The following CASTOR1 variants were observed in gnomAD, a reference collection of about 807,000 sequenced individuals.
The protein encoded by CASTOR1 is GATS protein like 3.
Under a neutral mutation model 33.7 loss-of-function variants are expected in CASTOR1, and 18 were observed. That is an observed-to-expected ratio of 0.53 (90% CI 0.37 to 0.79). The LOEUF is 0.79. CASTOR1 is among the 30% of genes least tolerant of loss of function. CASTOR1 has a pLI of 0.00. For missense variants in CASTOR1, 362 were observed against 446.3 expected, an observed-to-expected ratio of 0.81 and a Z score of 1.70; for synonymous variants, 175 against 190.6, an observed-to-expected ratio of 0.92 and a Z score of 0.67.
intron 4 of CASTOR1, 62 bp from the exon 5 acceptor site, chr22:30,287,010 G>C (rs779298121): frequency 4.5e-6 from 7 of 1,571,288 alleles, no homozygotes; most frequent in African/African-American, 1.4e-5. Flanking sequence ...CTGGTGGCTA[G>C]TCAGGGAGAG....
intron 4 of CASTOR1, 71 bp downstream of exon 4, chr22:30,287,084 C>A (rs1484440027): frequency 6.4e-7 from 1 of 1,553,668 alleles, no homozygotes; most frequent in Admixed American, 1.9e-5. Flanking sequence ...CCCACTGGGG[C>A]CCAAAAGGGA....
chr22:30,285,644 C>G lies in CASTOR1; in HGVS notation c.966G>C (p.Arg322=). 1.9e-6 allele frequency: 3 copies of G among 1,569,934 alleles called. No homozygotes were observed. The highest frequency in any genetic ancestry group is 2.6e-6 in the Non-Finnish European group (3 of 1,158,714). The change falls in exon 9 of 9, where the codon CGG becomes CGC. Residue 322 remains arginine (R), a synonymous_variant. Coordinates refer to ENST00000407689, the MANE Select transcript of CASTOR1 (RefSeq NM_001037666.3). ...GIGSVIEVLQ[R]RQEGLAS ...CTCAGGAAGCCAGGCCTTCCTGCCG[C>G]CGCTGGAGGACCTCGATGACGCTGC...
At chr22:30,288,651 G>T in intron 2 of CASTOR1, 55 bp downstream of exon 2, 1 of 1,472,008 alleles carries the variant, frequency 6.8e-7, no homozygotes, top group Non-Finnish European at 9.5e-7. Flanking sequence ...GAACCCTACA[G>T]AAGGGGAGCA....
At position 30,285,422 on chromosome 22, in the gene CASTOR1, C is replaced by A; in HGVS notation, c.*198G>T. On this transcript the variant is annotated 3_prime_UTR_variant, in exon 9 of 9. Coordinates refer to ENST00000407689, the MANE Select transcript of CASTOR1 (RefSeq NM_001037666.3). ...GGCAGACACGCAGTCAGGCTAGCAC[C>A]TGCCCACTCCACCTGTGAGTGTACA... The A allele has an allele frequency of 1.8e-6, 1 of 542,692 alleles. No homozygotes were observed. Among genetic ancestry groups the A allele is most frequent in the Non-Finnish European group, 3.2e-6 (1 of 308,084 alleles). The allele number at this position is 542,692 out of a possible 1,614,324, so 33.6% of individuals were successfully genotyped here. A position where few individuals can be genotyped will look rare whatever the true frequency, so the allele number is the denominator to read the frequency against.
rs200703690 is a variant in CASTOR1, at chr22:30,287,195, C to T, written c.465G>A (p.Thr155=). 713 of 1,610,426 alleles carry T rather than the reference C, an allele frequency of 4.4e-4. 2 individuals carry two copies. The highest frequency in any genetic ancestry group is 6.6e-4 in the Middle Eastern group (4 of 6,066). The part of the protein sequence containing the change: ...REVGGEPVPV[T]RDDSSNGFPR... ...GAAAGCCATTGCTGGAATCATCCCT[C>T]GTCACAGGCACAGGCTCTCCGCCCA... The change falls in exon 4 of 9, where the codon ACG becomes ACA. Residue 155 remains threonine, a synonymous_variant. Transcript: ENST00000407689.
Position 30,285,577 on chromosome 22 carries a change from G to GGGGAGAGCTGGAA in CASTOR1, c.*42_*43insTTCCAGCTCTCCC. 1 of 1,447,236 alleles carries GGGGAGAGCTGGAA rather than the reference G, an allele frequency of 6.9e-7. No individual in the cohort carries two copies. The highest frequency in any genetic ancestry group is 9.4e-7 in the Non-Finnish European group (1 of 1,058,570). The allele number at this position is 1,447,236 out of a possible 1,614,324, so 89.6% of individuals were successfully genotyped here. On this transcript the variant is annotated 3_prime_UTR_variant, in exon 9 of 9. Coordinates refer to ENST00000407689, the MANE Select transcript of CASTOR1 (RefSeq NM_001037666.3). ...GCTTAGAGAAGTCTTTGGAAGCCTG[G>GGGGAGAGCTGGAA]GTCGAGGGGAGAGCAGGGAGGCTGC...
In CASTOR1 at chr22:30,285,816, A is replaced by AGCCCTTGGTGCTCCCCCTGCCCCT; in HGVS notation, c.921+15_921+16insAGGGGCAGGGGGAGCACCAAGGGC. ...TGGGCCTCACTCTCCCCTCTGCCCC[A>AGCCCTTGGTGCTCCCCCTGCCCCT]GCCCTTGGTGCTCACCAGGGCGTGG... On this transcript the variant is annotated intron_variant, in intron 8 of 8. Transcript: ENST00000407689. 6.2e-7 allele frequency: 1 copy of AGCCCTTGGTGCTCCCCCTGCCCCT among 1,600,832 alleles called. No homozygotes were observed. The highest frequency in any genetic ancestry group is 1.1e-5 in the South Asian group (1 of 89,276).
intron 8 of CASTOR1, 58 bp downstream of exon 8, chr22:30,285,774 C>G: frequency 6.5e-7 from 1 of 1,540,608 alleles, no homozygotes; most frequent in South Asian, 1.2e-5. Context: ...GAGACTACCT[C>G]CTGCCGCCCA....
At chr22:30,286,790 T>C (rs368055835) in intron 5 of CASTOR1, 35 bp downstream of exon 5, 233 of 1,612,542 alleles carry the variant, frequency 1.4e-4, no homozygotes, top group Non-Finnish European at 2.0e-4. Context: ...TAGGGAACAG[T>C]GCTGTGAGGA....
Position 30,285,607 on chromosome 22 carries a change from T to C in CASTOR1, c.*13A>G, listed in dbSNP as rs1272711476. The stretch of plus-strand genomic sequence containing the variant: ...AGGGGAGAGCAGGGAGGCTGCTCTG[T>C]TGCCCATGGGCCTCAGGAAGCCAGG... On this transcript the variant is annotated 3_prime_UTR_variant, in exon 9 of 9. Coordinates refer to ENST00000407689, the MANE Select transcript of CASTOR1 (RefSeq NM_001037666.3). 9 of 1,553,518 alleles carry C rather than the reference T, an allele frequency of 5.8e-6. No homozygotes were observed.
At chr22:30,289,282 C>CGCCT (rs755557998) in intron 1 of CASTOR1, 103 bp downstream of exon 1, 37 of 901,788 alleles carry the variant, frequency 4.1e-5, no homozygotes, top group Middle Eastern at 4.7e-4. Flanking sequence ...CGCTCCCGCC[C>CGCCT]GCCTGCCTGC....
chr22:30,288,957 T>C (rs1470332507), intron 1 of CASTOR1, 181 bp from the exon 2 acceptor site: 1 of 571,646 alleles, frequency 1.7e-6, no homozygotes, highest in Non-Finnish European at 3.1e-6. Flanking sequence ...GGGGCTACTT[T>C]CCGGCCTCCC....
In CASTOR1 at chr22:30,288,615, T is replaced by C. The variant is rs1197526085; in HGVS notation, c.184+91A>G. 148 of 1,135,370 alleles carry C rather than the reference T, an allele frequency of 1.3e-4. 1 individual carries two copies. The African/African-American group carries it at 2.1e-3, about 16-fold the overall frequency. 70.3% of individuals were successfully genotyped at this position (1,135,370 alleles called of 1,614,324 possible). On this transcript the variant is annotated intron_variant, in intron 2 of 8. Transcript: ENST00000407689. ...CCATCTGCTTTTAAGGCTTAAGCTCTTGGGACGGATCCCAGCAACTGGTGA... is the reference window on the plus strand; with the variant it reads ...CCATCTGCTTTTAAGGCTTAAGCTCCTGGGACGGATCCCAGCAACTGGTGA...
At chr22:30,286,146 C>A (rs745481482) in intron 6 of CASTOR1, 48 bp from the exon 7 acceptor site, 3 of 1,469,428 alleles carry the variant, frequency 2.0e-6, no homozygotes, top group Non-Finnish European at 2.8e-6. Flanking sequence ...TCCACCCCTG[C>A]CTGACCGTGA....
rs1328124407 is a variant in CASTOR1 at position 30,287,618 on chromosome 22, G to A, written c.185-58C>T. On this transcript the variant is annotated intron_variant, in intron 2 of 8. Transcript: ENST00000407689. ...ACAAGGCTGGCCCCTGCCCCTCTCT[G>A]AGCCTCAGTTTCCCTTTCTGTGCCT... 7 of 1,482,784 alleles carry A rather than the reference G, an allele frequency of 4.7e-6. No individual in the cohort carries two copies. In the East Asian group the frequency reaches 1.7e-4, roughly 36 times the overall value. The allele number at this position is 1,482,784 out of a possible 1,614,324, so 91.9% of individuals were successfully genotyped here. A position where few individuals can be genotyped will look rare whatever the true frequency, so the allele number is the denominator to read the frequency against.
At chr22:30,288,846 T>C in intron 1 of CASTOR1, 70 bp from the exon 2 acceptor site, 1 of 1,355,364 alleles carries the variant, frequency 7.4e-7, no homozygotes, top group East Asian at 2.5e-5. Flanking sequence ...TTTCTCTCCA[T>C]CTGCCCCGAG....
chr22:30,286,000 C>T lies in CASTOR1; in HGVS notation c.826+16G>A, dbSNP rs202028147. The T allele has an allele frequency of 2.3e-3, 3,657 of 1,590,334 alleles. 6 individuals carry two copies. The highest frequency in any genetic ancestry group is 2.5e-3 in the Non-Finnish European group (2,977 of 1,168,550). ...CAGACACTCCCCAGCCCCCCAACAC[C>T]GGGAACAGCCCTCACCAAAGCCCAG... is the stretch of plus-strand genomic sequence containing the variant. On this transcript the variant is annotated intron_variant, in intron 7 of 8. Transcript: ENST00000407689.
chr22:30,287,659 A>G, intron 2 of CASTOR1, 99 bp from the exon 3 acceptor site: 2 of 1,152,640 alleles, frequency 1.7e-6, no homozygotes, highest in African/African-American at 1.5e-5. Flanking sequence ...GGCTCCATCA[A>G]GGTAAGGGCA....
chr22:30,286,658 C>A, intron 5 of CASTOR1, 167 bp downstream of exon 5: 12 of 911,676 alleles, frequency 1.3e-5, no homozygotes, highest in Non-Finnish European at 1.9e-5. Context: ...AGCTTTGGGG[C>A]AAGAACCTTC....
Sources: allele counts gnomAD v4.1 joint callset, GRCh38; gene constraint gnomAD v4.1.1; transcripts MANE v1.5; gene names NCBI Gene and HGNC (gene_info 2026-07-23, HGNC 2026-07-21).